MTA3: variants seen among roughly 807,000 people sequenced by gnomAD.
MTA3 encodes the protein metastasis associated 1 family member 3, also known as metastasis-associated protein MTA3.
A neutral mutation model predicts 83.5 loss-of-function variants in MTA3; 34 were observed. The ratio of observed to expected loss-of-function variants is 0.41; its 90% CI spans 0.31 to 0.54. The LOEUF (loss-of-function observed/expected upper bound fraction) is 0.54, where lower values mean the gene tolerates loss of function less well. MTA3 is among the 20% of genes least tolerant of loss of function. The pLI, the probability that MTA3 is intolerant of heterozygous loss-of-function variation, is 0.33. For synonymous variants in MTA3, 303 were observed against 252.7 expected, an observed-to-expected ratio of 1.20 and a Z score of -1.89; for missense variants, 761 against 726.4, an observed-to-expected ratio of 1.05 and a Z score of -0.55.
chr2:42,534,011 C>T (rs1266771708), intron 2 of MTA3, among the ~76,000 whole-genome samples: 1 of 152,232 alleles, frequency 6.6e-6, no homozygotes, highest in African/African-American at 2.4e-5. Context: ...GCGAGATCTC[C>T]TGAGGCTGGA....
At chr2:42,542,205 A>C (rs1264203401) in intron 2 of MTA3, among the ~76,000 whole-genome samples, 1 of 152,242 alleles carries the variant, frequency 6.6e-6, no homozygotes, top group East Asian at 1.9e-4. Context: ...CCCGTACGCC[A>C]GTCAGCTAGG....
intron 4 of MTA3, among the ~76,000 whole-genome samples, chr2:42,625,984 C>G (rs1686044608): frequency 6.8e-6 from 1 of 147,872 alleles, no homozygotes; most frequent in Non-Finnish European, 1.5e-5. Context: ...GCTTTGTCGC[C>G]CAGGCTGGAG....
chr2:42,652,034 T>A (rs1688766178), intron 6 of MTA3, among the ~76,000 whole-genome samples: 1 of 151,856 alleles, frequency 6.6e-6, no homozygotes, highest in Non-Finnish European at 1.5e-5. Flanking sequence ...GAGGTGGAAG[T>A]TGCAGTGAGC....
chr2:42,600,737 CGCCATGTTG>C (rs1682463396), intron 3 of MTA3, among the ~76,000 whole-genome samples: 1 of 151,996 alleles, frequency 6.6e-6, no homozygotes, highest in African/African-American at 2.4e-5. Flanking sequence ...GATGGGGTTT[CGCCATGTTG>C]GCCAGGGTGG....
At chr2:42,500,610 A>T (rs765317092) in intron 2 of MTA3, among the ~76,000 whole-genome samples, 11 of 152,150 alleles carry the variant, frequency 7.2e-5, no homozygotes, top group Non-Finnish European at 1.6e-4. Context: ...GAGGCAAGAA[A>T]TATGTGTAAG....
At chr2:42,667,667 C>T (rs919311112) in intron 8 of MTA3, among the ~76,000 whole-genome samples, 2 of 150,068 alleles carry the variant, frequency 1.3e-5, no homozygotes, top group Admixed American at 6.7e-5. Flanking sequence ...GTCAGTCTTG[C>T]TCTGTCCCTC....
chr2:42,701,422 CA>C (rs139663615), intron 11 of MTA3, among the ~76,000 whole-genome samples: 102 of 116,994 alleles, frequency 8.7e-4, no homozygotes, highest in Non-Finnish European at 6.7e-4. Context: ...CTGTATCTAT[CA>C]AAAAAAAAAA....
At chr2:42,583,964 C>T (rs1408533410) in intron 3 of MTA3, among the ~76,000 whole-genome samples, 2 of 151,796 alleles carry the variant, frequency 1.3e-5, no homozygotes, top group Admixed American at 1.3e-4. Flanking sequence ...CTGTCTCAGC[C>T]CCCTGAGTAG....
intron 2 of MTA3, among the ~76,000 whole-genome samples, chr2:42,537,252 T>C (rs1357694111): frequency 6.6e-6 from 1 of 152,138 alleles, no homozygotes; most frequent in East Asian, 1.9e-4. Context: ...GGGAACAAGC[T>C]ACCTGAACTC....
intron 8 of MTA3, among the ~76,000 whole-genome samples, chr2:42,670,547 G>A (rs562804985): frequency 3.3e-5 from 5 of 152,250 alleles, no homozygotes; most frequent in Admixed American, 2.6e-4. Flanking sequence ...CAGGGAACAA[G>A]AAGCAGATTG....
chr2:42,549,827 G>A (rs770186406), intron 2 of MTA3, among the ~76,000 whole-genome samples: 2 of 149,186 alleles, frequency 1.3e-5, no homozygotes, highest in East Asian at 1.9e-4. Context: ...ACCCAACTCC[G>A]TCCCACTGTA....
chr2:42,667,811 T>A (rs904776184), intron 8 of MTA3, among the ~76,000 whole-genome samples: 10 of 152,192 alleles, frequency 6.6e-5, no homozygotes, highest in African/African-American at 2.4e-4. Flanking sequence ...CAGCTATTAA[T>A]GCTAAGTAAT....
chr2:42,543,321 G>C (rs559677243), intron 2 of MTA3, among the ~76,000 whole-genome samples: 1 of 151,786 alleles, frequency 6.6e-6, no homozygotes, highest in African/African-American at 2.4e-5. Context: ...GGGATTACAG[G>C]TGCACACCAC....
intron 12 of MTA3, 68 bp downstream of exon 12, chr2:42,704,386 G>C (rs1665883430): frequency 6.3e-7 from 1 of 1,594,484 alleles, no homozygotes; most frequent in East Asian, 2.2e-5. Context: ...TGAGCGTCTG[G>C]GAAGTGCCTG....
At chr2:42,665,589 G>A (rs1690166645) in intron 8 of MTA3, among the ~76,000 whole-genome samples, 1 of 152,130 alleles carries the variant, frequency 6.6e-6, no homozygotes, top group African/African-American at 2.4e-5. Context: ...GCACTCCCCT[G>A]GCTTGAAGAA....
intron 2 of MTA3, among the ~76,000 whole-genome samples, chr2:42,507,071 T>A (rs1412085858): frequency 2.6e-5 from 4 of 152,140 alleles, no homozygotes; most frequent in African/African-American, 9.7e-5. Context: ...TGGCTAATTT[T>A]TTAATTTTTT....
At chr2:42,690,262 A>C (rs1011423362) in intron 9 of MTA3, among the ~76,000 whole-genome samples, 1 of 152,234 alleles carries the variant, frequency 6.6e-6, no homozygotes, top group African/African-American at 2.4e-5. Flanking sequence ...CGATGAATTC[A>C]GCTTTGCTTG....
chr2:42,525,197 C>CTT (rs1247299600), intron 2 of MTA3, among the ~76,000 whole-genome samples: 7 of 62,862 alleles, frequency 1.1e-4, no homozygotes, highest in Non-Finnish European at 2.4e-4. Flanking sequence ...TCTTCTTCTT[C>CTT]TTTTTTTTTT....
intron 8 of MTA3, among the ~76,000 whole-genome samples, chr2:42,661,169 T>C (rs1233752508): frequency 6.6e-6 from 1 of 152,200 alleles, no homozygotes; most frequent in Non-Finnish European, 1.5e-5. Flanking sequence ...GTATTTCAGT[T>C]GTTTAGAGCT....
Sources: allele counts gnomAD v4.1 joint callset (sites outside exome capture counted in the v4.1 genomes callset), GRCh38; gene constraint gnomAD v4.1.1; transcripts MANE v1.5; gene names NCBI Gene and HGNC (gene_info 2026-07-23, HGNC 2026-07-21).